NEDD4L: variants seen among roughly 807,000 people sequenced by gnomAD.
The protein encoded by NEDD4L is NEDD4 like E3 ubiquitin protein ligase.
NEDD4L carries 54 observed loss-of-function variants against 148.9 expected under a neutral mutation model. The ratio of observed to expected loss-of-function variants is 0.36; its 90% CI spans 0.29 to 0.45. The LOEUF (loss-of-function observed/expected upper bound fraction) is 0.45. Among genes scored for constraint, NEDD4L ranks in the 20% least tolerant of loss-of-function variants. NEDD4L has a pLI of 1.00. For missense variants in NEDD4L, 856 were observed against 1,233.8 expected (o/e 0.69, Z 4.59); for synonymous variants, 433 against 440.7 (o/e 0.98, Z 0.22).
intron 12 of NEDD4L, among the ~76,000 whole-genome samples, chr18:58,334,289 C>T (rs2041427154): frequency 6.6e-6 from 1 of 152,200 alleles, no homozygotes; most frequent in East Asian, 1.9e-4. Flanking sequence ...TCCACATGTT[C>T]CTTTCCCTTC....
At chr18:58,202,063 C>T (rs777542599) in intron 2 of NEDD4L, among the ~76,000 whole-genome samples, 1 of 152,194 alleles carries the variant, frequency 6.6e-6, no homozygotes, top group African/African-American at 2.4e-5. Context: ...TCCTCTCTTG[C>T]CTTGAAGATG....
chr18:58,242,734 G>A (rs1315980317), intron 2 of NEDD4L, among the ~76,000 whole-genome samples: 7 of 152,028 alleles, frequency 4.6e-5, no homozygotes, highest in African/African-American at 1.4e-4. Context: ...TTGAACCCCC[G>A]GGCTCAAGCG....
At position 58,044,635 on chromosome 18, in the gene NEDD4L, C is replaced by A; in HGVS notation, c.-26C>A. 1 of 1,593,478 alleles carries A rather than the reference C, an allele frequency of 6.3e-7. No homozygotes were observed. The highest frequency in any genetic ancestry group is 1.4e-5 in the African/African-American group (1 of 73,256). On this transcript the variant is annotated 5_prime_UTR_variant, in exon 1 of 31. Coordinates refer to ENST00000400345, the MANE Select transcript of NEDD4L (RefSeq NM_001144967.3). ...CGCAGCACAGCCGCTGGGAGCGCCT[C>A]AGACCCCGCGCGGGGCGCCGGCTCC... is the stretch of plus-strand genomic sequence containing the variant.
At chr18:58,391,611 G>A in intron 30 of NEDD4L, 52 bp downstream of exon 30, 1 of 1,312,392 alleles carries the variant, frequency 7.6e-7, no homozygotes, top group Non-Finnish European at 1.1e-6. Context: ...CTGCTTAGCT[G>A]GGTATGGTGC....
chr18:58,202,477 C>G (rs2041520162), intron 2 of NEDD4L, among the ~76,000 whole-genome samples: 2 of 152,272 alleles, frequency 1.3e-5, no homozygotes, highest in African/African-American at 2.4e-5. Flanking sequence ...ACTGGATTCC[C>G]TGGGTGACTC....
intron 30 of NEDD4L, among the ~76,000 whole-genome samples, chr18:58,395,241 C>G (rs1007253359): frequency 6.6e-6 from 1 of 151,844 alleles, no homozygotes; most frequent in African/African-American, 2.4e-5. Flanking sequence ...CCAACACATA[C>G]ACACACACAC....
At chr18:58,072,869 C>CGT (rs1312073201) in intron 1 of NEDD4L, among the ~76,000 whole-genome samples, 19 of 101,808 alleles carry the variant, frequency 1.9e-4, no homozygotes, top group Non-Finnish European at 2.5e-4. Flanking sequence ...CGCGCGCGCG[C>CGT]GCGCACACAC....
intron 22 of NEDD4L, among the ~76,000 whole-genome samples, chr18:58,368,868 G>A (rs184701447): frequency 1.5e-3 from 229 of 152,284 alleles, no homozygotes; most frequent in Non-Finnish European, 2.7e-3. Flanking sequence ...CAGCTTTGGA[G>A]TCATGCCATA....
At chr18:58,076,956 T>C (rs906880801) in intron 1 of NEDD4L, among the ~76,000 whole-genome samples, 13 of 149,396 alleles carry the variant, frequency 8.7e-5, no homozygotes, top group African/African-American at 3.0e-4. Flanking sequence ...ATTCAAGCAA[T>C]TCTTCTGCCT....
rs1600300874 is a variant in NEDD4L, at chr18:58,255,931, C to G, written c.297+3877C>G. 7 of 1,231,682 alleles carry G rather than the reference C, an allele frequency of 5.7e-6. No individual in the cohort carries two copies. In the African/African-American group the frequency reaches 7.8e-5, roughly 14 times the overall value. 76.3% of individuals were successfully genotyped at this position (1,231,682 alleles called of 1,614,324 possible). A position where few individuals can be genotyped will look rare whatever the true frequency, so the allele number is the denominator to read the frequency against. On this transcript the variant is annotated intron_variant, in intron 5 of 30. Coordinates refer to ENST00000400345, the MANE Select transcript of NEDD4L (RefSeq NM_001144967.3). Reference sequence around the variant, plus strand: ...CCTCCGTGCAGATCTCCCTGCAGCGCAAGGCCACGGACGGGGCCACGGACG... The same window carrying G: ...CCTCCGTGCAGATCTCCCTGCAGCGGAAGGCCACGGACGGGGCCACGGACG...
intron 2 of NEDD4L, among the ~76,000 whole-genome samples, chr18:58,181,912 G>A (rs530046204): frequency 3.8e-4 from 58 of 152,294 alleles, no homozygotes; most frequent in African/African-American, 1.2e-3. Flanking sequence ...AGACTCAGAA[G>A]AGGCTAGAGA....
intron 2 of NEDD4L, among the ~76,000 whole-genome samples, chr18:58,230,404 T>C (rs1335532683): frequency 4.7e-5 from 7 of 147,728 alleles, no homozygotes; most frequent in Non-Finnish European, 8.9e-5. Context: ...TGAGGTTCAC[T>C]GTGAAGCTTC....
chr18:58,276,134 C>T (rs1451885863), intron 5 of NEDD4L, among the ~76,000 whole-genome samples: 1 of 150,234 alleles, frequency 6.7e-6, no homozygotes, highest in Non-Finnish European at 1.5e-5. Flanking sequence ...GTTTTTAAAA[C>T]AACCTAACGG....
chr18:58,288,634 T>C (rs868350396), intron 5 of NEDD4L, among the ~76,000 whole-genome samples: 6 of 152,238 alleles, frequency 3.9e-5, no homozygotes, highest in South Asian at 2.1e-4. Flanking sequence ...ATGTTAACTT[T>C]ATTTCCAAAA....
intron 1 of NEDD4L, among the ~76,000 whole-genome samples, chr18:58,125,532 C>T (rs1050205305): frequency 3.3e-5 from 5 of 152,132 alleles, no homozygotes; most frequent in Non-Finnish European, 5.9e-5. Flanking sequence ...TGGCCCATCA[C>T]ATTTAGAACT....
intron 12 of NEDD4L, among the ~76,000 whole-genome samples, chr18:58,335,001 C>T (rs983271233): frequency 1.8e-4 from 28 of 152,264 alleles, no homozygotes; most frequent in African/African-American, 6.5e-4. Context: ...TTTCCTTGAA[C>T]GAATGGCACT....
chr18:58,365,235 C>A (rs1052590411), intron 20 of NEDD4L, among the ~76,000 whole-genome samples: 1 of 152,210 alleles, frequency 6.6e-6, no homozygotes, highest in Non-Finnish European at 1.5e-5. Context: ...GCCTTCAAAA[C>A]TCAAATGATC....
chr18:58,325,019 A>G lies in NEDD4L; in HGVS notation c.537A>G (p.Ser179=). ...AGCATGGATGGGAAGTTGTTGACTC[A>G]AATGACTCGGCTTCTCAGCACCAAG... The part of the protein sequence containing the change: ...DMEHGWEVVD[S]NDSASQHQEE... The change falls in exon 9 of 31, where the codon TCA becomes TCG. Residue 179 remains serine, a synonymous_variant. Transcript: ENST00000400345. The G allele has an allele frequency of 6.2e-7, 1 of 1,613,952 alleles. No homozygotes were observed. The highest frequency in any genetic ancestry group is 8.5e-7 in the Non-Finnish European group (1 of 1,179,832).
At position 58,080,697 on chromosome 18, in the gene NEDD4L, G is replaced by C. The variant is rs555615822; in HGVS notation, c.48+35989G>C. Among the ~76,000 whole-genome samples, 33 of 152,340 alleles carry C rather than the reference G, an allele frequency of 2.2e-4. No homozygotes were observed. The South Asian group carries it at 6.6e-3, about 31-fold the overall frequency. Reference sequence around the variant, plus strand: ...GACTGCTCTAAATAAGGAGCGAGAGGGTGGTGTGTGTGTTAACCATCAAGA... The same window carrying C: ...GACTGCTCTAAATAAGGAGCGAGAGCGTGGTGTGTGTGTTAACCATCAAGA... On this transcript the variant is annotated intron_variant, in intron 1 of 30. Coordinates refer to ENST00000400345, the MANE Select transcript of NEDD4L (RefSeq NM_001144967.3).
Sources: gnomAD v4.1 joint callset for allele counts (sites outside exome capture counted in the v4.1 genomes callset) on GRCh38, gnomAD v4.1.1 for gene constraint, MANE v1.5 for transcripts, NCBI Gene and HGNC (gene_info 2026-07-23, HGNC 2026-07-21) for gene names.